The following MPP7 variants were observed in gnomAD, a reference collection of about 807,000 sequenced individuals.
MPP7 encodes MAGUK p55 subfamily member 7.
In MPP7, 60 loss-of-function variants were observed where a neutral mutation model predicts 76.5. The observed-to-expected ratio is 0.78, with a 90% confidence interval of 0.64 to 0.97. The LOEUF is 0.97. MPP7 is among the 50% of genes least tolerant of loss of function. The pLI is 0.00. For missense variants in MPP7, 641 were observed against 694.0 expected (o/e 0.92, Z 0.86); for synonymous variants, 237 against 244.5 (o/e 0.97, Z 0.29).
At chr10:28,286,487 T>C (rs1840794715) in intron 1 of MPP7, among the ~76,000 whole-genome samples, 1 of 152,112 alleles carries the variant, frequency 6.6e-6, no homozygotes, top group Non-Finnish European at 1.5e-5. Context: ...TTAGGAGTAA[T>C]AAGCAAAGAA....
At chr10:28,184,566 G>A (rs1837166726) in intron 3 of MPP7, among the ~76,000 whole-genome samples, 1 of 149,078 alleles carries the variant, frequency 6.7e-6, no homozygotes, top group Non-Finnish European at 1.5e-5. Context: ...GAAATTATCT[G>A]GGCGTTGTAG....
At chr10:28,094,158 C>T (rs1853452461) in intron 11 of MPP7, among the ~76,000 whole-genome samples, 1 of 152,224 alleles carries the variant, frequency 6.6e-6, no homozygotes, top group Non-Finnish European at 1.5e-5. Context: ...CACTTGTTCA[C>T]ATCGGTTTTT....
At chr10:28,068,736 T>C (rs1429668773) in intron 13 of MPP7, among the ~76,000 whole-genome samples, 2 of 152,228 alleles carry the variant, frequency 1.3e-5, no homozygotes, top group Non-Finnish European at 2.9e-5. Flanking sequence ...CCTTCAGCTC[T>C]CTGTGATTTG....
At position 28,083,890 on chromosome 10, in the gene MPP7, A is replaced by G. The variant is rs540048054; in HGVS notation, c.1123+5781T>C. Among the ~76,000 whole-genome samples the G allele has an allele frequency of 3.3e-5, 5 of 152,288 alleles. No homozygotes were observed. In the South Asian group the frequency reaches 1.0e-3, roughly 32 times the overall value. Reference sequence around the variant, plus strand: ...AGGAAATACAATTCGCCTGAAGAGAAAATGTGATCTAACATGACAAAAAGA... The same window carrying G: ...AGGAAATACAATTCGCCTGAAGAGAGAATGTGATCTAACATGACAAAAAGA... On this transcript the variant is annotated intron_variant, in intron 12 of 16. Transcript: ENST00000683449.
intron 3 of MPP7, among the ~76,000 whole-genome samples, chr10:28,177,117 C>T (rs997515403): frequency 2.6e-5 from 4 of 151,180 alleles, no homozygotes; most frequent in Non-Finnish European, 4.4e-5. Flanking sequence ...GTATTCATAC[C>T]GATAGTAAAA....
At chr10:28,060,858 G>A (rs1240216671) in intron 13 of MPP7, among the ~76,000 whole-genome samples, 5 of 152,194 alleles carry the variant, frequency 3.3e-5, no homozygotes, top group Non-Finnish European at 1.5e-5. Context: ...AACTGAGAGT[G>A]GAATGTACAG....
intron 1 of MPP7, among the ~76,000 whole-genome samples, chr10:28,267,051 G>A (rs942102024): frequency 2.0e-5 from 3 of 152,120 alleles, no homozygotes; most frequent in Non-Finnish European, 4.4e-5. Context: ...TGCCATATGC[G>A]TTAGTTCGGG....
At chr10:28,211,452 T>C (rs1001445646) in intron 2 of MPP7, among the ~76,000 whole-genome samples, 2 of 140,238 alleles carry the variant, frequency 1.4e-5, no homozygotes, top group African/African-American at 2.7e-5. Context: ...GCCATATATA[T>C]ATATATATAT....
At chr10:28,327,289 A>G (rs1353465083) in intron 2 of MPP7, among the ~76,000 whole-genome samples, 1 of 151,172 alleles carries the variant, frequency 6.6e-6, no homozygotes, top group Non-Finnish European at 1.5e-5. Context: ...TTGGAAAGAG[A>G]TATTCAAAAT....
At chr10:28,242,888 A>G (rs936222162) in intron 1 of MPP7, among the ~76,000 whole-genome samples, 2 of 152,202 alleles carry the variant, frequency 1.3e-5, no homozygotes, top group African/African-American at 4.8e-5. Context: ...TCATTATAGA[A>G]TATCCTTAAT....
At chr10:28,252,652 T>C (rs945675818) in intron 1 of MPP7, among the ~76,000 whole-genome samples, 3 of 151,626 alleles carry the variant, frequency 2.0e-5, no homozygotes, top group South Asian at 2.1e-4. Flanking sequence ...TCTAACATCA[T>C]ACAGAGGCGT....
At chr10:28,169,570 T>A (rs1450477108) in intron 3 of MPP7, among the ~76,000 whole-genome samples, 1 of 152,074 alleles carries the variant, frequency 6.6e-6, no homozygotes, top group East Asian at 1.9e-4. Context: ...CAATACTGAG[T>A]CTCCCTATTT....
At chr10:28,223,313 A>T (rs911140232) in intron 2 of MPP7, among the ~76,000 whole-genome samples, 2 of 152,188 alleles carry the variant, frequency 1.3e-5, no homozygotes, top group African/African-American at 4.8e-5. Context: ...TCTTCTGAGG[A>T]AACAGTGCAA....
chr10:28,091,812 CTAAACAA>C lies in MPP7; in HGVS notation c.953-1978_953-1972del, dbSNP rs541301370. ...AGACTTTTGTCCTTGTCATTATTCC[CTAAACAA>C]TAGAGTATAATAATTTACATAGCAT... On this transcript the variant is annotated intron_variant, in intron 11 of 16. Transcript: ENST00000683449. 2.6e-4 allele frequency among the ~76,000 whole-genome samples: 40 copies of C among 152,180 alleles called. 1 individual carries two copies. The South Asian group carries it at 4.6e-3, about 17-fold the overall frequency.
At chr10:28,207,051 T>C (rs1372695866) in intron 2 of MPP7, among the ~76,000 whole-genome samples, 1 of 152,112 alleles carries the variant, frequency 6.6e-6, no homozygotes, top group Non-Finnish European at 1.5e-5. Flanking sequence ...ATTCAACAAA[T>C]TTTTGAGTAA....
Position 28,140,009 on chromosome 10 carries a change from A to G in MPP7, c.315+7474T>C, listed in dbSNP as rs149253119. 5.1e-3 allele frequency among the ~76,000 whole-genome samples: 779 copies of G among 152,340 alleles called. 8 individuals carry two copies. The highest frequency in any genetic ancestry group is 0.036 in the East Asian group (187 of 5,184). On this transcript the variant is annotated intron_variant, in intron 5 of 16. Coordinates refer to ENST00000683449, the MANE Select transcript of MPP7 (RefSeq NM_001318170.2). ...TAAATATAAAAAATGAAACCCAAAC[A>G]ACCTCACAAATTTAAATAAGTCAGG...
At chr10:28,143,115 C>G (rs4506531) in intron 5 of MPP7, among the ~76,000 whole-genome samples, 14,955 of 151,806 alleles carry the variant, frequency 0.099, 1,253 homozygotes, top group East Asian at 0.42. Flanking sequence ...AAAAAAAAAT[C>G]ACATTAAGTA....
At chr10:28,188,895 A>G (rs567256988) in intron 3 of MPP7, among the ~76,000 whole-genome samples, 12 of 152,266 alleles carry the variant, frequency 7.9e-5, no homozygotes, top group Admixed American at 3.9e-4. Flanking sequence ...AGGAGAAATA[A>G]AAACTTTTTC....
chr10:28,235,058 C>A (rs1839026804), intron 2 of MPP7, among the ~76,000 whole-genome samples: 1 of 152,218 alleles, frequency 6.6e-6, no homozygotes. Context: ...GATCCACCCA[C>A]CTCAGCCTCC....
Sources: gnomAD v4.1 joint callset for allele counts (sites outside exome capture counted in the v4.1 genomes callset) on GRCh38, gnomAD v4.1.1 for gene constraint, MANE v1.5 for transcripts, NCBI Gene and HGNC (gene_info 2026-07-23, HGNC 2026-07-21) for gene names.